Variants in ZSWIM5 observed in about 807,000 individuals in gnomAD.
The protein encoded by ZSWIM5 is zinc finger SWIM domain-containing protein 5.
In ZSWIM5, 55 loss-of-function variants were observed where a neutral mutation model predicts 119.6. That is an observed-to-expected ratio of 0.46 (90% CI 0.37 to 0.58). The LOEUF is 0.58. Among genes scored for constraint, ZSWIM5 ranks in the 20% least tolerant of loss-of-function variants. The pLI is 0.00. For missense variants in ZSWIM5, 1,193 were observed against 1,512.8 expected, an observed-to-expected ratio of 0.79 and a Z score of 3.51; for synonymous variants, 537 against 606.9, an observed-to-expected ratio of 0.88 and a Z score of 1.69.
chr1:45,078,139 G>T (rs968860002), intron 2 of ZSWIM5, among the ~76,000 whole-genome samples: 9 of 152,188 alleles, frequency 5.9e-5, no homozygotes, highest in African/African-American at 2.2e-4. Context: ...AAGTGTCCAT[G>T]AAATCTTTAC....
intron 1 of ZSWIM5, among the ~76,000 whole-genome samples, chr1:45,200,177 C>T (rs1257564823): frequency 6.6e-6 from 1 of 152,178 alleles, no homozygotes; most frequent in East Asian, 1.9e-4. Context: ...CCACATTATA[C>T]ATCCTAAGGG....
At position 45,176,754 on chromosome 1, in the gene ZSWIM5, C is replaced by A. The variant is rs148398669; in HGVS notation, c.595+29002G>T. On this transcript the variant is annotated intron_variant, in intron 1 of 13. Transcript: ENST00000359600. ...AAACCTGCACCTACTGCTGCCACCC[C>A]CTGCTATGCCCACTTCACCCCATCT... Among the ~76,000 whole-genome samples, 1,024 of 152,140 alleles carry A rather than the reference C, an allele frequency of 6.7e-3. 22 individuals are homozygous for A. Among genetic ancestry groups the A allele is most frequent in the African/African-American group, 0.024 (992 of 41,538 alleles).
At chr1:45,109,984 C>G (rs1645507168) in intron 1 of ZSWIM5, among the ~76,000 whole-genome samples, 1 of 152,140 alleles carries the variant, frequency 6.6e-6, no homozygotes, top group Non-Finnish European at 1.5e-5. Flanking sequence ...CCCGCCTCAG[C>G]CTCCCAGCAA....
intron 1 of ZSWIM5, among the ~76,000 whole-genome samples, chr1:45,117,954 G>T (rs1645568609): frequency 6.6e-6 from 1 of 152,148 alleles, no homozygotes. Context: ...TTTGGTAGTT[G>T]TTCATGTGGA....
At position 45,115,484 on chromosome 1, in the gene ZSWIM5, C is replaced by T. The variant is rs1162689629; in HGVS notation, c.596-27247G>A. Among the ~76,000 whole-genome samples, 3 of 149,774 alleles carry T rather than the reference C, an allele frequency of 2.0e-5. No individual in the cohort carries two copies. In the East Asian group the frequency reaches 6.1e-4, roughly 30 times the overall value. On this transcript the variant is annotated intron_variant, in intron 1 of 13. Transcript: ENST00000359600. ...GGGGTGGCGGTCGGGCAGAGACACTCCTCAGTTCCCAGACGGGGTCGCGGC... is the reference window on the plus strand; with the variant it reads ...GGGGTGGCGGTCGGGCAGAGACACTTCTCAGTTCCCAGACGGGGTCGCGGC...
intron 1 of ZSWIM5, among the ~76,000 whole-genome samples, chr1:45,126,982 G>A (rs980056425): frequency 6.6e-6 from 1 of 152,070 alleles, no homozygotes; most frequent in Non-Finnish European, 1.5e-5. Context: ...GGGATTACAG[G>A]CACAAGACAC....
intron 2 of ZSWIM5, among the ~76,000 whole-genome samples, chr1:45,076,138 G>A (rs561170019): frequency 6.6e-6 from 1 of 152,190 alleles, no homozygotes; most frequent in Admixed American, 6.5e-5. Context: ...TTCTACTTAA[G>A]AGTAGTTTAC....
chr1:45,023,478 A>T (rs1644900425), intron 11 of ZSWIM5, among the ~76,000 whole-genome samples: 1 of 139,736 alleles, frequency 7.2e-6, no homozygotes. Flanking sequence ...TTCCCCTCAG[A>T]GTTTACACCC....
rs766920512 is a variant in ZSWIM5 at position 45,193,938 on chromosome 1, G to GTGTATATATATATATA, written c.595+11817_595+11818insTATATATATATATACA. ...TATGTGTACATATGTGTGCATATGT[G>GTGTATATATATATATA]TATATATATATATATATACATACAT... On this transcript the variant is annotated intron_variant, in intron 1 of 13. Transcript: ENST00000359600. Among the ~76,000 whole-genome samples, 38 of 146,210 alleles carry GTGTATATATATATATA rather than the reference G, an allele frequency of 2.6e-4. 1 individual carries two copies. Among genetic ancestry groups the GTGTATATATATATATA allele is most frequent in the African/African-American group, 8.9e-4 (35 of 39,512 alleles).
At chr1:45,126,344 G>A (rs1479620206) in intron 1 of ZSWIM5, among the ~76,000 whole-genome samples, 2 of 151,760 alleles carry the variant, frequency 1.3e-5, no homozygotes, top group African/African-American at 4.8e-5. Context: ...ATGAAACAAG[G>A]AATATTACTA....
At position 45,163,545 on chromosome 1, in the gene ZSWIM5, C is replaced by T. The variant is rs796431653; in HGVS notation, c.595+42211G>A. Among the ~76,000 whole-genome samples, 50 of 152,248 alleles carry T rather than the reference C, an allele frequency of 3.3e-4. 1 individual carries two copies. Among genetic ancestry groups the T allele is most frequent in the African/African-American group, 1.2e-3 (48 of 41,546 alleles). ...CTTCTCCGAGCTAAAGGAGGATGTT[C>T]GAACCCATCGCAAAGAAGTTGAAAA... On this transcript the variant is annotated intron_variant, in intron 1 of 13. Coordinates refer to ENST00000359600, the MANE Select transcript of ZSWIM5 (RefSeq NM_020883.2).
Position 45,024,740 on chromosome 1 carries a change from C to T in ZSWIM5, c.2450-3952G>A, listed in dbSNP as rs527292621. 5.9e-5 allele frequency among the ~76,000 whole-genome samples: 9 copies of T among 151,994 alleles called. No individual in the cohort carries two copies. The East Asian group carries it at 9.7e-4, about 16-fold the overall frequency. On this transcript the variant is annotated intron_variant, in intron 11 of 13. Transcript: ENST00000359600. ...TGCGATCTTGGCTAACTGCAACCTCCGCCTCCTGGGTTAAAGATATTCTCC... is the reference window on the plus strand; with the variant it reads ...TGCGATCTTGGCTAACTGCAACCTCTGCCTCCTGGGTTAAAGATATTCTCC...
chr1:45,157,823 T>C (rs184737261), intron 1 of ZSWIM5, among the ~76,000 whole-genome samples: 1 of 152,354 alleles, frequency 6.6e-6, no homozygotes, highest in Non-Finnish European at 1.5e-5. Flanking sequence ...GAATGCTCTA[T>C]GTCTTGATGG....
rs914398358 is a variant in ZSWIM5, at chr1:45,124,652, A to G, written c.596-36415T>C. Among the ~76,000 whole-genome samples, 9 of 152,204 alleles carry G rather than the reference A, an allele frequency of 5.9e-5. No individual in the cohort carries two copies. The South Asian group carries it at 1.4e-3, about 24-fold the overall frequency. On this transcript the variant is annotated intron_variant, in intron 1 of 13. Coordinates refer to ENST00000359600, the MANE Select transcript of ZSWIM5 (RefSeq NM_020883.2). Reference sequence around the variant, plus strand: ...TGAAAATGGTCTAAATATACCAACTAAAAGACAAGAGATTGGTAGAGCAGA... The same window carrying G: ...TGAAAATGGTCTAAATATACCAACTGAAAGACAAGAGATTGGTAGAGCAGA...
At chr1:45,024,312 C>CT (rs1310759265) in intron 11 of ZSWIM5, among the ~76,000 whole-genome samples, 1 of 150,508 alleles carries the variant, frequency 6.6e-6, no homozygotes, top group African/African-American at 2.4e-5. Context: ...TTGCCTCAGT[C>CT]TCCCGAGTAG....
chr1:45,061,309 T>A (rs1305213042), intron 2 of ZSWIM5, among the ~76,000 whole-genome samples: 1 of 152,122 alleles, frequency 6.6e-6, no homozygotes, highest in Non-Finnish European at 1.5e-5. Context: ...TTTTAAAAAA[T>A]TTTAACTGAC....
At chr1:45,028,697 A>C (rs1385889204) in intron 11 of ZSWIM5, among the ~76,000 whole-genome samples, 1 of 152,118 alleles carries the variant, frequency 6.6e-6, no homozygotes, top group East Asian at 1.9e-4. Flanking sequence ...CAGGGGTTGC[A>C]GTGAGCTGAA....
chr1:45,147,701 CCTT>C (rs1645771249), intron 1 of ZSWIM5, among the ~76,000 whole-genome samples: 1 of 151,600 alleles, frequency 6.6e-6, no homozygotes, highest in Admixed American at 6.6e-5. Context: ...TCTAAAAATC[CCTT>C]CTTCTTACTC....
intron 1 of ZSWIM5, among the ~76,000 whole-genome samples, chr1:45,190,791 G>A (rs1340854919): frequency 1.3e-5 from 2 of 152,134 alleles, no homozygotes; most frequent in Non-Finnish European, 2.9e-5. Context: ...TGAAAGAACG[G>A]CAACAGAAGC....
Sources: allele counts gnomAD v4.1 joint callset (sites outside exome capture counted in the v4.1 genomes callset), GRCh38; gene constraint gnomAD v4.1.1; transcripts MANE v1.5; gene names NCBI Gene and HGNC (gene_info 2026-07-23, HGNC 2026-07-21).